CNTNAP2: variants seen among roughly 807,000 people sequenced by gnomAD.
The protein encoded by CNTNAP2 is contactin associated protein 2, also known as contactin-associated protein-like 2.
Under a neutral mutation model 155.2 loss-of-function variants are expected in CNTNAP2, and 98 were observed. The observed-to-expected ratio is 0.63, with a 90% CI of 0.54 to 0.75. CNTNAP2 has a LOEUF of 0.75. CNTNAP2 is among the 30% of genes least tolerant of loss of function. The pLI is 0.00. For missense variants in CNTNAP2, 1,727 were observed against 1,688.1 expected (o/e 1.02, Z -0.40); for synonymous variants, 651 against 631.2 (o/e 1.03, Z -0.47).
intron 10 of CNTNAP2, among the ~76,000 whole-genome samples, chr7:147,463,432 A>G (rs958166417): frequency 1.3e-5 from 2 of 152,190 alleles, no homozygotes; most frequent in African/African-American, 2.4e-5. Flanking sequence ...AGCTTCTACT[A>G]TATCTCACGT....
chr7:148,301,365 A>T (rs1797390047), intron 21 of CNTNAP2, among the ~76,000 whole-genome samples: 1 of 44,474 alleles, frequency 2.2e-5, no homozygotes, highest in East Asian at 7.6e-4. Context: ...TTTACTGCAT[A>T]AAAAAAAAAA....
chr7:146,340,285 TG>T lies in CNTNAP2; in HGVS notation c.97+223313del, dbSNP rs944389969. 1.6e-3 allele frequency among the ~76,000 whole-genome samples: 182 copies of T among 115,182 alleles called. 1 individual carries two copies. In the East Asian group the frequency reaches 0.019, roughly 12 times the overall value. 75.6% of individuals were successfully genotyped at this position (115,182 alleles called of 152,430 possible). On this transcript the variant is annotated intron_variant, in intron 1 of 23. Coordinates refer to ENST00000361727, the MANE Select transcript of CNTNAP2 (RefSeq NM_014141.6). The stretch of plus-strand genomic sequence containing the variant: ...ACCTTTTTTTGTTTGTTGTTGTTGT[TG>T]TTTTTTTTTTTTTTTTGGTTAAGCA...
At chr7:146,483,861 A>T (rs181419231) in intron 1 of CNTNAP2, among the ~76,000 whole-genome samples, 3 of 152,256 alleles carry the variant, frequency 2.0e-5, no homozygotes. Context: ...TTGGATATTG[A>T]AGAAAAATGT....
At chr7:147,718,843 T>C (rs1209308621) in intron 13 of CNTNAP2, among the ~76,000 whole-genome samples, 4 of 152,154 alleles carry the variant, frequency 2.6e-5, no homozygotes, top group Admixed American at 2.0e-4. Flanking sequence ...CATACACATA[T>C]GCTTGTTAAC....
chr7:148,032,764 G>A (rs1021974157), intron 15 of CNTNAP2, among the ~76,000 whole-genome samples: 30 of 152,162 alleles, frequency 2.0e-4, no homozygotes, highest in Non-Finnish European at 1.3e-4. Context: ...CTGCTGACGC[G>A]AAGGCTGCTT....
intron 15 of CNTNAP2, among the ~76,000 whole-genome samples, chr7:148,062,008 T>TA (rs201856851): frequency 0.077 from 5,930 of 76,862 alleles, 273 homozygotes; most frequent in East Asian, 0.19. Context: ...GATAGATAGA[T>TA]GATAGAGAGA....
chr7:148,079,887 A>G (rs1188726289), intron 15 of CNTNAP2, among the ~76,000 whole-genome samples: 1 of 152,160 alleles, frequency 6.6e-6, no homozygotes, highest in Admixed American at 6.5e-5. Flanking sequence ...CTAGTTTTTC[A>G]GGTTAACTTT....
chr7:146,749,215 C>T (rs1801862278), intron 1 of CNTNAP2, among the ~76,000 whole-genome samples: 1 of 151,938 alleles, frequency 6.6e-6, no homozygotes, highest in South Asian at 2.1e-4. Context: ...GTGTATGTAT[C>T]TATATGTATA....
chr7:147,712,409 G>C (rs537267347), intron 13 of CNTNAP2, among the ~76,000 whole-genome samples: 36 of 152,186 alleles, frequency 2.4e-4, no homozygotes, highest in Non-Finnish European at 4.4e-4. Context: ...TATACCGAAA[G>C]GATTATAAAT....
At chr7:146,309,217 G>C (rs1049463398) in intron 1 of CNTNAP2, among the ~76,000 whole-genome samples, 7 of 152,102 alleles carry the variant, frequency 4.6e-5, no homozygotes, top group African/African-American at 1.7e-4. Flanking sequence ...TAACTTCGGA[G>C]CGAGTCATTT....
chr7:146,940,664 G>T (rs185466605), intron 3 of CNTNAP2, among the ~76,000 whole-genome samples: 111 of 151,614 alleles, frequency 7.3e-4, no homozygotes, highest in Non-Finnish European at 1.4e-3. Context: ...CAGAGATTGT[G>T]ACTACACATT....
intron 10 of CNTNAP2, among the ~76,000 whole-genome samples, chr7:147,404,232 C>T (rs1796965169): frequency 6.6e-6 from 1 of 152,130 alleles, no homozygotes; most frequent in Non-Finnish European, 1.5e-5. Flanking sequence ...TGACTGTGAT[C>T]CCATCAAACT....
Position 146,134,803 on chromosome 7 carries a change from T to A in CNTNAP2, c.97+17830T>A, listed in dbSNP as rs1797772765. 3.3e-5 allele frequency among the ~76,000 whole-genome samples: 5 copies of A among 151,826 alleles called. No homozygotes were observed. In the South Asian group the frequency reaches 1.0e-3, roughly 32 times the overall value. On this transcript the variant is annotated intron_variant, in intron 1 of 23. Coordinates refer to ENST00000361727, the MANE Select transcript of CNTNAP2 (RefSeq NM_014141.6). ...ATAAGCTTTTTGATGTGCTGCTGGATTCGGTTTGCCAGTATTTTATTGAGG... is the reference window on the plus strand; with the variant it reads ...ATAAGCTTTTTGATGTGCTGCTGGAATCGGTTTGCCAGTATTTTATTGAGG...
chr7:148,113,745 C>G (rs576454334), intron 15 of CNTNAP2, among the ~76,000 whole-genome samples: 2 of 152,204 alleles, frequency 1.3e-5, no homozygotes, highest in Admixed American at 1.3e-4. Context: ...GCCTAACATG[C>G]AGTCACAAAG....
chr7:146,809,442 A>C (rs1803025912), intron 2 of CNTNAP2, among the ~76,000 whole-genome samples: 1 of 152,028 alleles, frequency 6.6e-6, no homozygotes, highest in Non-Finnish European at 1.5e-5. Flanking sequence ...GCTCACTGCA[A>C]ACTCAACCTC....
At chr7:147,774,319 T>G (rs1057365329) in intron 13 of CNTNAP2, among the ~76,000 whole-genome samples, 10 of 152,152 alleles carry the variant, frequency 6.6e-5, no homozygotes, top group African/African-American at 2.4e-4. Flanking sequence ...ATGAAGTCAA[T>G]AATGAGCAAA....
intron 3 of CNTNAP2, among the ~76,000 whole-genome samples, chr7:146,953,106 C>T (rs1797356414): frequency 6.6e-6 from 1 of 151,928 alleles, no homozygotes; most frequent in Non-Finnish European, 1.5e-5. Context: ...CTCAGCAAGA[C>T]AATATCTGGG....
chr7:147,936,297 T>TTTA (rs1201667911), intron 14 of CNTNAP2, among the ~76,000 whole-genome samples: 4 of 111,976 alleles, frequency 3.6e-5, no homozygotes, highest in African/African-American at 8.3e-5. Context: ...CGACATTTAT[T>TTTA]TTATTTTTTT....
At chr7:147,968,631 A>G (rs1342004522) in intron 14 of CNTNAP2, among the ~76,000 whole-genome samples, 1 of 152,184 alleles carries the variant, frequency 6.6e-6, no homozygotes, top group Admixed American at 6.5e-5. Context: ...AACTTCTGAC[A>G]TAGAAGCGAT....
Sources: allele counts gnomAD v4.1 joint callset (sites outside exome capture counted in the v4.1 genomes callset), GRCh38; gene constraint gnomAD v4.1.1; transcripts MANE v1.5; gene names NCBI Gene and HGNC (gene_info 2026-07-23, HGNC 2026-07-21).